Variants in PMS1 observed in about 807,000 individuals in gnomAD.
PMS1 encodes PMS1 homolog 1, mismatch repair system component.
In PMS1, 79 loss-of-function variants were observed where a neutral mutation model predicts 93.1. The observed-to-expected ratio is 0.85, with a 90% CI of 0.71 to 1.02. The LOEUF is 1.02. Ranked by LOEUF, PMS1 falls within the 50% of genes least tolerant of loss-of-function variation. The pLI is 0.00. For missense variants in PMS1, 1,064 were observed against 1,085.3 expected, an observed-to-expected ratio of 0.98 and a Z score of 0.28; for synonymous variants, 335 against 363.4, an observed-to-expected ratio of 0.92 and a Z score of 0.89.
intron 12 of PMS1, among the ~76,000 whole-genome samples, chr2:189,877,041 T>A (rs1357352260): frequency 6.6e-6 from 1 of 152,190 alleles, no homozygotes; most frequent in East Asian, 1.9e-4. Flanking sequence ...CTGTCTTTTG[T>A]CTGTTTTCTG....
intron 5 of PMS1, among the ~76,000 whole-genome samples, chr2:189,834,083 AT>A (rs1159751782): frequency 6.6e-6 from 1 of 151,784 alleles, no homozygotes; most frequent in African/African-American, 2.4e-5. Flanking sequence ...AGGTTTTTAA[AT>A]GAGAGCATTC....
intron 9 of PMS1, among the ~76,000 whole-genome samples, chr2:189,859,516 C>T (rs1034138459): frequency 2.0e-5 from 3 of 152,074 alleles, no homozygotes; most frequent in African/African-American, 7.2e-5. Context: ...CCAATCTCAA[C>T]CTAGGCCTAG....
intron 1 of PMS1, among the ~76,000 whole-genome samples, chr2:189,787,522 G>T (rs2048466348): frequency 6.6e-6 from 1 of 151,992 alleles, no homozygotes. Context: ...ATCTTACATT[G>T]ATTATAGGAC....
At chr2:189,846,741 T>G (rs999759761) in intron 6 of PMS1, among the ~76,000 whole-genome samples, 1 of 152,180 alleles carries the variant, frequency 6.6e-6, no homozygotes, top group African/African-American at 2.4e-5. Context: ...ATCTTGCACT[T>G]TCGCTTGTTG....
At chr2:189,848,047 C>G (rs905089810) in intron 6 of PMS1, among the ~76,000 whole-genome samples, 1 of 152,060 alleles carries the variant, frequency 6.6e-6, no homozygotes, top group Non-Finnish European at 1.5e-5. Context: ...TTCAGAGCTC[C>G]CTGAAGAGTT....
In PMS1 at chr2:189,795,832, G is replaced by A. The variant is rs2049307101; in HGVS notation, c.196G>A (p.Ala66Thr). ...DNGEGIKAVD[A>T]PVMAMKYYTS... ...CGGGGAGGGTATCAAGGCTGTTGAT[G>A]CACCTGTAATGGCAATGAAGTACTA... Residue 66 changes from alanine to threonine, a missense_variant, in exon 3 of 13, where the codon GCA becomes ACA. Ala to Thr is a moderately conservative substitution (Grantham distance 58, BLOSUM62 0). Coordinates refer to ENST00000441310, the MANE Select transcript of PMS1 (RefSeq NM_000534.5). 6.2e-7 allele frequency: 1 copy of A among 1,612,368 alleles called. No individual in the cohort carries two copies. The highest frequency in any genetic ancestry group is 8.5e-7 in the Non-Finnish European group (1 of 1,178,346).
chr2:189,860,817 TTTTTTTTTTTTTTTTTTTTTTTG>T (rs1316361720), intron 9 of PMS1, among the ~76,000 whole-genome samples: 1 of 118,976 alleles, frequency 8.4e-6, no homozygotes, highest in African/African-American at 4.1e-5. Context: ...TTTTTTTTTT[TTTTTTTTTTTTTTTTTTTTTTTG>T]AGGAGGAGGA....
intron 10 of PMS1, among the ~76,000 whole-genome samples, chr2:189,865,433 C>A (rs1156365898): frequency 6.6e-6 from 1 of 152,110 alleles, no homozygotes; most frequent in African/African-American, 2.4e-5. Flanking sequence ...TCTGATGAAT[C>A]TACTTAATAG....
At chr2:189,803,662 T>C (rs571277662) in intron 3 of PMS1, among the ~76,000 whole-genome samples, 33 of 152,304 alleles carry the variant, frequency 2.2e-4, no homozygotes, top group Non-Finnish European at 4.1e-4. Context: ...AGTTTCCTGC[T>C]CCAGACACAG....
intron 6 of PMS1, among the ~76,000 whole-genome samples, chr2:189,849,169 G>A (rs1323432866): frequency 7.9e-5 from 12 of 152,078 alleles, no homozygotes; most frequent in Admixed American, 7.9e-4. Flanking sequence ...TCTCAACAGG[G>A]CCACTGCTCT....
intron 9 of PMS1, chr2:189,855,762 A>G (rs2055257267): frequency 3.3e-6 from 1 of 300,792 alleles, no homozygotes; most frequent in South Asian, 4.7e-5. Context: ...AGTATTTGCC[A>G]TATTTAAATT....
chr2:189,843,536 G>A (rs964406222), intron 5 of PMS1, among the ~76,000 whole-genome samples: 1 of 152,154 alleles, frequency 6.6e-6, no homozygotes, highest in Admixed American at 6.6e-5. Flanking sequence ...ATCATCCTCA[G>A]TAAAACAGTA....
chr2:189,842,992 A>ATGTGTG (rs908540121), intron 5 of PMS1, among the ~76,000 whole-genome samples: 1 of 135,946 alleles, frequency 7.4e-6, no homozygotes, highest in Admixed American at 7.1e-5. Context: ...ACACACATAT[A>ATGTGTG]TGTGTGTGTG....
At chr2:189,867,696 AATG>A (rs2056781102) in intron 10 of PMS1, 100 bp from the exon 11 acceptor site, 3 of 767,378 alleles carry the variant, frequency 3.9e-6, no homozygotes, top group Admixed American at 2.2e-5. Flanking sequence ...TATTTTGGTT[AATG>A]ATGATAACAC....
At chr2:189,812,696 A>G (rs1192814014) in intron 4 of PMS1, among the ~76,000 whole-genome samples, 1 of 152,224 alleles carries the variant, frequency 6.6e-6, no homozygotes, top group Non-Finnish European at 1.5e-5. Context: ...AATTTATTTC[A>G]TGGTAATCAA....
At chr2:189,821,759 A>C (rs2051910421) in intron 5 of PMS1, among the ~76,000 whole-genome samples, 1 of 152,132 alleles carries the variant, frequency 6.6e-6, no homozygotes, top group Non-Finnish European at 1.5e-5. Context: ...CAGTGAGCCG[A>C]GATCGCACCA....
chr2:189,801,161 A>T (rs1334688836), intron 3 of PMS1, among the ~76,000 whole-genome samples: 1 of 152,192 alleles, frequency 6.6e-6, no homozygotes, highest in Non-Finnish European at 1.5e-5. Context: ...CCCTGCAGGC[A>T]TTCTTTTTAT....
intron 1 of PMS1, among the ~76,000 whole-genome samples, chr2:189,790,845 A>C (rs2048800704): frequency 6.6e-6 from 1 of 152,230 alleles, no homozygotes; most frequent in African/African-American, 2.4e-5. Flanking sequence ...GATAGGATTT[A>C]GGAGTTGATT....
Position 189,835,236 on chromosome 2 carries a change from A to G in PMS1, c.583-8728A>G, listed in dbSNP as rs5743087. Among the ~76,000 whole-genome samples the G allele has an allele frequency of 4.3e-3, 653 of 152,346 alleles. 8 individuals carry two copies. Among genetic ancestry groups the G allele is most frequent in the Non-Finnish European group, 7.3e-3 (498 of 68,032 alleles). On this transcript the variant is annotated intron_variant, in intron 5 of 12. Coordinates refer to ENST00000441310, the MANE Select transcript of PMS1 (RefSeq NM_000534.5). ...AAGAATATAAAATTAAATAAGTGTA[A>G]GAGATTTTAGAACTCATTTATACTG...
Sources: gnomAD v4.1 joint callset for allele counts (sites outside exome capture counted in the v4.1 genomes callset) on GRCh38, gnomAD v4.1.1 for gene constraint, MANE v1.5 for transcripts, NCBI Gene and HGNC (gene_info 2026-07-23, HGNC 2026-07-21) for gene names.